Variants in LCP1 observed in about 807,000 individuals in gnomAD.
LCP1 encodes the protein lymphocyte cytosolic protein 1.
Under a neutral mutation model 72.0 loss-of-function variants are expected in LCP1, and 23 were observed. The ratio of observed to expected loss-of-function variants is 0.32; its 90% confidence interval spans 0.23 to 0.45. The LOEUF (loss-of-function observed/expected upper bound fraction) is 0.45. Ranked by LOEUF, LCP1 falls within the 20% of genes least tolerant of loss-of-function variation. The pLI, the probability that LCP1 is intolerant of heterozygous loss-of-function variation, is 1.00. For missense variants in LCP1, 571 were observed against 748.3 expected (o/e 0.76, Z 2.76); for synonymous variants, 245 against 275.4 (o/e 0.89, Z 1.09).
chr13:46,150,507 C>G (rs1398273383), intron 8 of LCP1, among the ~76,000 whole-genome samples: 1 of 152,194 alleles, frequency 6.6e-6, no homozygotes, highest in Non-Finnish European at 1.5e-5. Context: ...CAGTGCCTGG[C>G]ATGTTGCAGA....
intron 13 of LCP1, among the ~76,000 whole-genome samples, chr13:46,136,922 C>T (rs374347884): frequency 3.3e-5 from 5 of 152,252 alleles, no homozygotes; most frequent in South Asian, 4.1e-4. Context: ...CTCATGTAAA[C>T]GGCAGCAGTG....
chr13:46,162,775 G>A (rs1279419972), intron 1 of LCP1, among the ~76,000 whole-genome samples: 1 of 151,922 alleles, frequency 6.6e-6, no homozygotes, highest in Non-Finnish European at 1.5e-5. Context: ...TCTGAGATGT[G>A]GGGAGCGCCT....
chr13:46,135,844 C>T (rs553581776), intron 13 of LCP1, among the ~76,000 whole-genome samples: 15 of 151,180 alleles, frequency 9.9e-5, no homozygotes, highest in African/African-American at 2.2e-4. Flanking sequence ...TGGCTCACTG[C>T]GCCCCCGAAC....
intron 1 of LCP1, among the ~76,000 whole-genome samples, chr13:46,163,967 G>A (rs941048965): frequency 1.3e-5 from 2 of 152,190 alleles, no homozygotes; most frequent in Non-Finnish European, 2.9e-5. Context: ...GTTCATAGGT[G>A]TTTATGGGAT....
chr13:46,132,089 T>C (rs763372042), intron 14 of LCP1, among the ~76,000 whole-genome samples: 48 of 129,316 alleles, frequency 3.7e-4, no homozygotes, highest in Non-Finnish European at 8.0e-4. Flanking sequence ...GACATTTCTT[T>C]CAGTACATTA....
In LCP1 at chr13:46,127,577, A is replaced by C. The variant is rs753221297; in HGVS notation, c.*14T>G. 6.8e-6 allele frequency: 11 copies of C among 1,613,996 alleles called. No homozygotes were observed. In the East Asian group the frequency reaches 2.2e-4, roughly 33 times the overall value. ...GGAGTGAGTGCACCGCCTCCCACCC[A>C]GCCCCATTGGGCCTCACACCCTCTT... On this transcript the variant is annotated 3_prime_UTR_variant, in exon 16 of 16. Transcript: ENST00000323076.
intron 14 of LCP1, among the ~76,000 whole-genome samples, chr13:46,131,346 A>G (rs2045633244): frequency 6.6e-6 from 1 of 152,228 alleles, no homozygotes; most frequent in South Asian, 2.1e-4. Flanking sequence ...CTAAAAAGTC[A>G]AAAAATAACA....
intron 9 of LCP1, 57 bp from the exon 10 acceptor site, chr13:46,147,160 A>G: frequency 7.1e-7 from 1 of 1,400,976 alleles, no homozygotes; most frequent in Non-Finnish European, 9.6e-7. Context: ...CACAAAGCAG[A>G]TTGCATAATG....
At position 46,134,122 on chromosome 13, in the gene LCP1, T is replaced by C; in HGVS notation, c.1626+5A>G. The C allele has an allele frequency of 6.2e-7, 1 of 1,613,356 alleles. No homozygotes were observed. The highest frequency in any genetic ancestry group is 8.5e-7 in the Non-Finnish European group (1 of 1,179,630). On this transcript the variant is annotated splice_donor_5th_base_variant and intron_variant, in intron 14 of 15. Coordinates refer to ENST00000323076, the MANE Select transcript of LCP1 (RefSeq NM_002298.5). ...TGGCCTCTAGCAGAAGACAAAGAAT[T>C]TTACCTTGAAACTAGAGATGGATGA...
chr13:46,179,105 C>G (rs1376170174), intron 1 of LCP1, among the ~76,000 whole-genome samples: 1 of 152,096 alleles, frequency 6.6e-6, no homozygotes, highest in East Asian at 1.9e-4. Flanking sequence ...TAAGTTTTGG[C>G]CCAACCAATG....
At chr13:46,164,029 G>T (rs1029533676) in intron 1 of LCP1, among the ~76,000 whole-genome samples, 3 of 152,160 alleles carry the variant, frequency 2.0e-5, no homozygotes, top group African/African-American at 7.2e-5. Flanking sequence ...CCTACTATAA[G>T]CCAGGTGCTA....
At chr13:46,172,368 C>T (rs2045908619) in intron 1 of LCP1, among the ~76,000 whole-genome samples, 2 of 152,024 alleles carry the variant, frequency 1.3e-5, no homozygotes, top group South Asian at 4.1e-4. Flanking sequence ...CCTGTAATCC[C>T]AGCTACTCAT....
intron 15 of LCP1, among the ~76,000 whole-genome samples, chr13:46,129,617 TA>T (rs1241678089): frequency 6.6e-6 from 1 of 152,190 alleles, no homozygotes; most frequent in East Asian, 1.9e-4. Context: ...TAAATTGTGT[TA>T]AACTTTGGCA....
chr13:46,143,485 TA>T (rs2045710670), intron 11 of LCP1, 81 bp from the exon 12 acceptor site: 3 of 884,898 alleles, frequency 3.4e-6, no homozygotes. Flanking sequence ...CTTTCTTACA[TA>T]TTAGTTCAAA....
At chr13:46,159,070 G>T in intron 2 of LCP1, 81 bp from the exon 3 acceptor site, 1 of 1,313,990 alleles carries the variant, frequency 7.6e-7, no homozygotes. Context: ...CTAGATGGAA[G>T]GTGAAGGGAC....
rs1414900310 is a variant in LCP1 at position 46,158,525 on chromosome 13, A to C, written c.355T>G (p.Ser119Ala). Residue 119 changes from serine to alanine, a missense_variant, in exon 4 of 16, where the codon TCA (serine) becomes GCA (alanine). Physicochemically the swap from Ser to Ala is moderately conservative, Grantham distance 99 (BLOSUM62 1). Coordinates refer to ENST00000323076, the MANE Select transcript of LCP1 (RefSeq NM_002298.5). ...CCAACCCAGGAGTTGAGCCTACCTG[A>C]ATAGGAGTGTTGGGTGCCAACGCTA... ...QSSVGTQHSY[S>A]EEEKYAFVNW... The C allele has an allele frequency of 7.4e-6, 12 of 1,613,886 alleles. No individual in the cohort carries two copies. In the Admixed American group the frequency reaches 1.7e-4, roughly 22 times the overall value.
Position 46,130,854 on chromosome 13 carries a change from T to C in LCP1, c.1711A>G (p.Thr571Ala), listed in dbSNP as rs774364256. 18 of 1,613,654 alleles carry C rather than the reference T, an allele frequency of 1.1e-5. No individual in the cohort carries two copies. The highest frequency in any genetic ancestry group is 1.4e-5 in the Non-Finnish European group (17 of 1,179,842). ...PGSINYDLLK[T>A]ENLNDDEKLN... ...TTCTCATCATCATTCAGATTTTCTG[T>C]CTTCAGAAGGTCATAGTTAATGGAA... Residue 571 changes from threonine (T) to alanine (A), a missense_variant, in exon 15 of 16, where the codon ACA becomes GCA. Thr to Ala is a moderately conservative substitution (Grantham distance 58, BLOSUM62 0). Coordinates refer to ENST00000323076, the MANE Select transcript of LCP1 (RefSeq NM_002298.5).
intron 1 of LCP1, among the ~76,000 whole-genome samples, chr13:46,162,697 A>G (rs986779330): frequency 9.2e-5 from 14 of 152,148 alleles, no homozygotes; most frequent in East Asian, 1.9e-4. Flanking sequence ...AAGTGCCGAG[A>G]TTGCAGCCTC....
chr13:46,141,314 G>C (rs1469164985), intron 13 of LCP1, among the ~76,000 whole-genome samples: 1 of 147,834 alleles, frequency 6.8e-6, no homozygotes, highest in Non-Finnish European at 1.5e-5. Flanking sequence ...GCTGAGGCAG[G>C]AGAATCACTT....
Sources: gnomAD v4.1 joint callset for allele counts (sites outside exome capture counted in the v4.1 genomes callset) on GRCh38, gnomAD v4.1.1 for gene constraint, MANE v1.5 for transcripts, NCBI Gene and HGNC (gene_info 2026-07-23, HGNC 2026-07-21) for gene names.